POLR3G: variants seen among roughly 807,000 people sequenced by gnomAD.
POLR3G encodes RNA polymerase III subunit G, also known as DNA-directed RNA polymerase III subunit RPC7.
In POLR3G, 28 loss-of-function variants were observed where a neutral mutation model predicts 30.1. The observed-to-expected ratio is 0.93, with a 90% CI of 0.69 to 1.27. POLR3G has a LOEUF of 1.27. Among genes scored for constraint, POLR3G ranks in the 50% most tolerant of loss-of-function variants. POLR3G has a pLI of 0.00. For missense variants in POLR3G, 254 were observed against 264.6 expected (o/e 0.96, Z 0.28); for synonymous variants, 79 against 82.5 (o/e 0.96, Z 0.23).
chr5:90,475,949 G>T (rs1295543189), intron 1 of POLR3G, among the ~76,000 whole-genome samples: 2 of 152,148 alleles, frequency 1.3e-5, no homozygotes, highest in African/African-American at 4.8e-5. Flanking sequence ...GACCTCAAAT[G>T]ATCCGCCTGC....
At chr5:90,487,924 T>G in intron 2 of POLR3G, 76 bp from the exon 3 acceptor site, 4 of 1,230,928 alleles carry the variant, frequency 3.2e-6, no homozygotes, top group Non-Finnish European at 4.3e-6. Flanking sequence ...AACTGCTGTT[T>G]TCTATAATAC....
Position 90,495,673 on chromosome 5 carries a change from C to T in POLR3G, c.248-4C>T. 1 of 1,600,550 alleles carries T rather than the reference C, an allele frequency of 6.2e-7. No individual in the cohort carries two copies. Among genetic ancestry groups the T allele is most frequent in the East Asian group, 2.3e-5 (1 of 44,214 alleles). ...AATGAGTTCTTTATTCTTTTTTCCCCTAGATATTGAAAGGTATAGTAAAAG... is the reference window on the plus strand; with the variant it reads ...AATGAGTTCTTTATTCTTTTTTCCCTTAGATATTGAAAGGTATAGTAAAAG... On this transcript the variant is annotated splice_polypyrimidine_tract_variant and splice_region_variant and intron_variant, in intron 3 of 7. Coordinates refer to ENST00000651687, the MANE Select transcript of POLR3G (RefSeq NM_006467.3).
At chr5:90,489,160 T>C (rs1751594405) in intron 3 of POLR3G, among the ~76,000 whole-genome samples, 2 of 152,148 alleles carry the variant, frequency 1.3e-5, no homozygotes, top group African/African-American at 4.8e-5. Context: ...CTTATAATTA[T>C]AGGAAGCATT....
At chr5:90,494,580 C>T (rs1011006470) in intron 3 of POLR3G, among the ~76,000 whole-genome samples, 13 of 151,930 alleles carry the variant, frequency 8.6e-5, no homozygotes, top group African/African-American at 2.7e-4. Context: ...TTCTAGCCAT[C>T]CTAGTGGTTG....
At chr5:90,477,116 A>G (rs1750865998) in intron 1 of POLR3G, among the ~76,000 whole-genome samples, 1 of 152,214 alleles carries the variant, frequency 6.6e-6, no homozygotes, top group South Asian at 2.1e-4. Flanking sequence ...AAGGGCTTAA[A>G]AGCAGAGTAG....
At chr5:90,475,622 C>T (rs1175518136) in intron 1 of POLR3G, among the ~76,000 whole-genome samples, 1 of 152,054 alleles carries the variant, frequency 6.6e-6, no homozygotes, top group Non-Finnish European at 1.5e-5. Flanking sequence ...GGGTGTGGCC[C>T]CGCCAGCCAC....
At chr5:90,506,695 G>A (rs761881171) in intron 7 of POLR3G, 21 bp downstream of exon 7, 19 of 1,577,332 alleles carry the variant, frequency 1.2e-5, no homozygotes, top group Non-Finnish European at 1.5e-5. Flanking sequence ...ATTTGGGGAT[G>A]GTAGCAAAAT....
At position 90,512,967 on chromosome 5, in the gene POLR3G, A is replaced by G. The variant is rs745620956; in HGVS notation, c.*828A>G. The G allele has an allele frequency of 2.0e-5, 3 of 151,990 alleles. No homozygotes were observed. Among genetic ancestry groups the G allele is most frequent in the Non-Finnish European group, 4.4e-5 (3 of 67,966 alleles). The allele number at this position is 151,990 out of a possible 1,614,324, so 9.4% of individuals were successfully genotyped here. A position where few individuals can be genotyped will look rare whatever the true frequency, so the allele number is the denominator to read the frequency against. On this transcript the variant is annotated 3_prime_UTR_variant, in exon 8 of 8. Coordinates refer to ENST00000651687, the MANE Select transcript of POLR3G (RefSeq NM_006467.3). ...TGTAGAATGCATGTGTGTGAACTCT[A>G]TGAAGTGAAGTGTGGTGGCCTTTTA...
At position 90,497,670 on chromosome 5, in the gene POLR3G, C is replaced by T. The variant is rs753917944; in HGVS notation, c.319C>T (p.Pro107Ser). ...EEWIPDWRRL[P>S]REMMPRNKCK... Reference sequence around the variant, plus strand: ...TTTATGTACAGATTGGAGAAGACTTCCAAGAGAGATGATGCCAAGAAATAA... The same window carrying T: ...TTTATGTACAGATTGGAGAAGACTTTCAAGAGAGATGATGCCAAGAAATAA... The change falls in exon 5 of 8, where the codon CCA becomes TCA. Residue 107 changes from proline (P) to serine (S), a missense_variant. Physicochemically the swap from Pro to Ser is moderately conservative, Grantham distance 74 (BLOSUM62 -1). Transcript: ENST00000651687. 1.9e-6 allele frequency: 3 copies of T among 1,602,736 alleles called. No homozygotes were observed. Among genetic ancestry groups the T allele is most frequent in the African/African-American group, 2.7e-5 (2 of 74,278 alleles).
chr5:90,489,725 T>C (rs1267435215), intron 3 of POLR3G, among the ~76,000 whole-genome samples: 5 of 152,224 alleles, frequency 3.3e-5, no homozygotes, highest in African/African-American at 9.6e-5. Context: ...GGGTATACTT[T>C]AGTGCTTTTA....
intron 1 of POLR3G, among the ~76,000 whole-genome samples, chr5:90,484,285 G>C (rs996110453): frequency 6.6e-6 from 1 of 152,204 alleles, no homozygotes; most frequent in Non-Finnish European, 1.5e-5. Flanking sequence ...GAGTGATGCT[G>C]CTGCAGACAG....
intron 1 of POLR3G, among the ~76,000 whole-genome samples, chr5:90,482,429 C>T (rs1455736709): frequency 2.6e-5 from 4 of 152,204 alleles, no homozygotes; most frequent in Non-Finnish European, 5.9e-5. Context: ...CATTCCTGGG[C>T]ATAGGCTGAA....
At chr5:90,506,750 G>A in intron 7 of POLR3G, 76 bp downstream of exon 7, 1 of 1,421,238 alleles carries the variant, frequency 7.0e-7, no homozygotes, top group Non-Finnish European at 9.3e-7. Flanking sequence ...AGTATGTATT[G>A]AAATCAATAA....
intron 2 of POLR3G, among the ~76,000 whole-genome samples, chr5:90,487,146 CT>C (rs1351322145): frequency 2.0e-5 from 3 of 152,110 alleles, no homozygotes; most frequent in African/African-American, 7.2e-5. Flanking sequence ...TTATTCACTT[CT>C]CAATTTCTTC....
chr5:90,474,234 T>G, upstream of POLR3G: 1 of 1,613,512 alleles, frequency 6.2e-7, no homozygotes, highest in African/African-American at 1.3e-5. Context: ...GAAACGTTCT[T>G]GAATCCAGAA....
chr5:90,502,816 T>TTTTTTTTTTTTTTTA, intron 6 of POLR3G, among the ~76,000 whole-genome samples: 1 of 151,808 alleles, frequency 6.6e-6, no homozygotes, highest in African/African-American at 2.4e-5. Flanking sequence ...TTTTTTTTTT[T>TTTTTTTTTTTTTTTA]TGGCTGCACT....
At chr5:90,479,000 CAA>C (rs1750987262) in intron 1 of POLR3G, among the ~76,000 whole-genome samples, 1 of 151,142 alleles carries the variant, frequency 6.6e-6, no homozygotes, top group Admixed American at 6.6e-5. Flanking sequence ...AGGTCCCACT[CAA>C]AGAAAGGGGG....
Position 90,495,721 on chromosome 5 carries a change from G to T in POLR3G, c.292G>T (p.Glu98Ter). The change falls in exon 4 of 8, where the codon GAA (glutamate) becomes TAA (stop). Residue 98 changes from glutamate to a stop codon, truncating the protein, a stop_gained. Coordinates refer to ENST00000651687, the MANE Select transcript of POLR3G (RefSeq NM_006467.3). LOFTEE classifies it high-confidence loss of function. Reference sequence around the variant, plus strand: ...AAGATACATGAAGGTATACAAGGAAGAATGGATACCAGGTAACTACAAAAC... The same window carrying T: ...AAGATACATGAAGGTATACAAGGAATAATGGATACCAGGTAACTACAAAAC... Reference protein sequence around the residue: ...SKRYMKVYKEEWIPDWRRLPR... With the variant: ...SKRYMKVYKE 2.5e-6 allele frequency: 4 copies of T among 1,597,004 alleles called. No homozygotes were observed. Among genetic ancestry groups the T allele is most frequent in the Non-Finnish European group, 3.4e-6 (4 of 1,172,510 alleles).
chr5:90,505,168 T>C (rs1268015885), intron 6 of POLR3G, among the ~76,000 whole-genome samples: 2 of 152,226 alleles, frequency 1.3e-5, no homozygotes, highest in African/African-American at 4.8e-5. Context: ...TTACTCCAGA[T>C]ATAAAATCTG....
Sources: gnomAD v4.1 joint callset for allele counts (sites outside exome capture counted in the v4.1 genomes callset) on GRCh38, gnomAD v4.1.1 for gene constraint, MANE v1.5 for transcripts, NCBI Gene and HGNC (gene_info 2026-07-23, HGNC 2026-07-21) for gene names.